The following CMIP variants were observed in gnomAD, a reference collection of about 807,000 sequenced individuals.
The protein encoded by CMIP is C-Maf-inducing protein.
CMIP carries 13 observed loss-of-function variants against 97.3 expected under a neutral mutation model. That is an observed-to-expected ratio of 0.13 (90% CI 0.09 to 0.21). The LOEUF is 0.21. Ranked by LOEUF, CMIP falls within the 10% of genes least tolerant of loss-of-function variation. The pLI, the probability that CMIP is intolerant of heterozygous loss-of-function variation, is 1.00. For synonymous variants in CMIP, 538 were observed against 436.3 expected (o/e 1.23, Z -2.91); for missense variants, 847 against 1,024.9 (o/e 0.83, Z 2.37).
intron 1 of CMIP, among the ~76,000 whole-genome samples, chr16:81,482,128 C>G (rs1440212319): frequency 6.6e-6 from 1 of 152,154 alleles, no homozygotes; most frequent in Non-Finnish European, 1.5e-5. Context: ...ATCCACCCTC[C>G]TTGGCCTCCC....
In CMIP at chr16:81,684,605, A is replaced by G. The variant is rs112036453; in HGVS notation, c.1388+5977A>G. On this transcript the variant is annotated intron_variant, in intron 10 of 20. Transcript: ENST00000537098. ...TCACAAAGCCTTGTTCAGTCCCAAC[A>G]TGTCCCCCATTAGCTCTGTGACCTT... 4.3e-3 allele frequency among the ~76,000 whole-genome samples: 659 copies of G among 152,308 alleles called. 2 individuals are homozygous for G. Among genetic ancestry groups the G allele is most frequent in the African/African-American group, 0.015 (619 of 41,566 alleles).
chr16:81,693,590 G>A (rs974367709), intron 13 of CMIP, 103 bp downstream of exon 13: 6 of 1,307,632 alleles, frequency 4.6e-6, no homozygotes, highest in Admixed American at 4.5e-5. Context: ...CAGGCATTCA[G>A]AACAGCTTTC....
intron 1 of CMIP, among the ~76,000 whole-genome samples, chr16:81,552,544 C>G (rs962928678): frequency 2.0e-5 from 3 of 152,180 alleles, no homozygotes; most frequent in Non-Finnish European, 4.4e-5. Flanking sequence ...TGGCCCCTTC[C>G]TCCATCTTCA....
intron 1 of CMIP, among the ~76,000 whole-genome samples, chr16:81,466,826 AAAAGGGCCTTGCTTG>A: frequency 6.6e-6 from 1 of 152,182 alleles, no homozygotes; most frequent in Non-Finnish European, 1.5e-5. Context: ...AACTAGGAAC[AAAAGGGCCTTGCTTG>A]AAAGAGGCTG....
At chr16:81,666,080 G>C (rs987060428) in intron 7 of CMIP, 1 of 152,222 alleles carries the variant, frequency 6.6e-6, no homozygotes, top group East Asian at 1.9e-4. Context: ...ACTCCCCACT[G>C]GGGGATGGGG....
chr16:81,512,661 T>A (rs2150793033), intron 1 of CMIP, among the ~76,000 whole-genome samples: 1 of 152,274 alleles, frequency 6.6e-6, no homozygotes, highest in South Asian at 2.1e-4. Flanking sequence ...TCAACATGAA[T>A]TCATGGATTT....
At chr16:81,492,483 C>T (rs1435116581) in intron 1 of CMIP, among the ~76,000 whole-genome samples, 2 of 152,190 alleles carry the variant, frequency 1.3e-5, no homozygotes, top group Non-Finnish European at 1.5e-5. Flanking sequence ...TCTGCCCAGG[C>T]TCTCCCTTCC....
At chr16:81,611,199 A>C (rs192948673) in intron 2 of CMIP, 227 of 152,368 alleles carry the variant, frequency 1.5e-3, no homozygotes, top group African/African-American at 5.1e-3. Context: ...GCTGTGTTGG[A>C]CAGCGCACAT....
chr16:81,568,806 C>G (rs1161788616), intron 1 of CMIP, among the ~76,000 whole-genome samples: 1 of 152,192 alleles, frequency 6.6e-6, no homozygotes, highest in Admixed American at 6.5e-5. Flanking sequence ...TCGCCATAAA[C>G]CAGTCTGAAA....
At position 81,498,231 on chromosome 16, in the gene CMIP, A is replaced by G. The variant is rs530205534; in HGVS notation, c.300+52690A>G. 1.2e-4 allele frequency among the ~76,000 whole-genome samples: 19 copies of G among 152,294 alleles called. 1 individual carries two copies. The South Asian group carries it at 3.5e-3, about 28-fold the overall frequency. ...TAGGACAGTCAAGAAGGTTCAATGA[A>G]ATGATGGATGTGGAGCCCCAGGACG... On this transcript the variant is annotated intron_variant, in intron 1 of 20. Transcript: ENST00000537098.
chr16:81,535,668 G>A (rs16955523), intron 1 of CMIP, among the ~76,000 whole-genome samples: 20,153 of 151,870 alleles, frequency 0.13, 1,384 homozygotes, highest in Admixed American at 0.17. Flanking sequence ...TTTTTGTAAG[G>A]TACGTCCTCA....
At chr16:81,459,017 AC>A (rs1270970938) in intron 1 of CMIP, among the ~76,000 whole-genome samples, 2 of 135,570 alleles carry the variant, frequency 1.5e-5, no homozygotes, top group Non-Finnish European at 3.5e-5. Flanking sequence ...CGTCACCGTC[AC>A]CATCACTGTC....
intron 1 of CMIP, 111 bp downstream of exon 1, chr16:81,445,652 G>A (rs1216063644): frequency 8.3e-7 from 1 of 1,197,948 alleles, no homozygotes; most frequent in Non-Finnish European, 1.1e-6. Flanking sequence ...GGGGCGGTGG[G>A]GGGTGCCGGG....
intron 1 of CMIP, among the ~76,000 whole-genome samples, chr16:81,544,673 T>G (rs941801194): frequency 9.9e-5 from 15 of 151,754 alleles, no homozygotes; most frequent in African/African-American, 3.6e-4. Flanking sequence ...TGAATATGTG[T>G]GGTGTATGGG....
intron 6 of CMIP, among the ~76,000 whole-genome samples, chr16:81,661,393 C>T (rs756425345): frequency 2.6e-5 from 4 of 152,276 alleles, no homozygotes; most frequent in Admixed American, 2.0e-4. Flanking sequence ...GGGCACCCGG[C>T]GCCAGCCTTG....
At chr16:81,605,032 T>G (rs1011525772) in intron 1 of CMIP, among the ~76,000 whole-genome samples, 1 of 151,994 alleles carries the variant, frequency 6.6e-6, no homozygotes, top group African/African-American at 2.4e-5. Flanking sequence ...ACACAGACAA[T>G]CAGTGACCAA....
At chr16:81,577,425 C>T (rs2091212598) in intron 1 of CMIP, among the ~76,000 whole-genome samples, 1 of 147,534 alleles carries the variant, frequency 6.8e-6, no homozygotes, top group Non-Finnish European at 1.5e-5. Flanking sequence ...ATCACTATCA[C>T]CATCACCATC....
At chr16:81,674,656 G>A (rs2092711990) in intron 9 of CMIP, among the ~76,000 whole-genome samples, 1 of 152,072 alleles carries the variant, frequency 6.6e-6, no homozygotes, top group Non-Finnish European at 1.5e-5. Flanking sequence ...CACAATCTTG[G>A]CTCACTACAG....
chr16:81,684,808 G>C (rs1442429478), intron 10 of CMIP, among the ~76,000 whole-genome samples: 3 of 152,190 alleles, frequency 2.0e-5, no homozygotes, highest in Non-Finnish European at 4.4e-5. Context: ...GCTGGGAAGG[G>C]CCCAGCCTTC....
Sources: gnomAD v4.1 joint callset for allele counts (sites outside exome capture counted in the v4.1 genomes callset) on GRCh38, gnomAD v4.1.1 for gene constraint, MANE v1.5 for transcripts, NCBI Gene and HGNC (gene_info 2026-07-23, HGNC 2026-07-21) for gene names.